ZDHHC2: variants seen among roughly 807,000 people sequenced by gnomAD.
ZDHHC2 encodes zDHHC palmitoyltransferase 2, also known as palmitoyltransferase ZDHHC2.
A neutral mutation model predicts 55.6 loss-of-function variants in ZDHHC2; 51 were observed. The ratio of observed to expected loss-of-function variants is 0.92; its 90% CI spans 0.73 to 1.16. ZDHHC2 has a LOEUF of 1.16. Among genes scored for constraint, ZDHHC2 ranks in the 50% most tolerant of loss-of-function variants. The probability of loss-of-function intolerance (pLI) is 0.00; values close to 1 mark genes in which losing one functional copy is unlikely to be tolerated. For missense variants in ZDHHC2, 491 were observed against 442.4 expected (o/e 1.11, Z -0.99); for synonymous variants, 199 against 152.9 (o/e 1.30, Z -2.22).
chr8:17,214,642 C>G (rs1026234807), intron 10 of ZDHHC2, among the ~76,000 whole-genome samples: 19 of 152,182 alleles, frequency 1.2e-4, no homozygotes, highest in African/African-American at 4.6e-4. Flanking sequence ...GGTGTGGTGG[C>G]CTATGCATGT....
At chr8:17,166,803 G>C (rs1804622630) in intron 1 of ZDHHC2, among the ~76,000 whole-genome samples, 1 of 152,166 alleles carries the variant, frequency 6.6e-6, no homozygotes, top group African/African-American at 2.4e-5. Context: ...GGCCCATCAA[G>C]TCTGGGAGGA....
chr8:17,176,046 T>G (rs1805110990), intron 1 of ZDHHC2, among the ~76,000 whole-genome samples: 1 of 152,180 alleles, frequency 6.6e-6, no homozygotes, highest in African/African-American at 2.4e-5. Flanking sequence ...CCACTGAGGC[T>G]GAAGTGAGGA....
intron 8 of ZDHHC2, 67 bp downstream of exon 8, chr8:17,208,159 T>C (rs1325265304): frequency 1.4e-6 from 2 of 1,427,274 alleles, no homozygotes; most frequent in East Asian, 2.7e-5. Flanking sequence ...TGACAGTTGC[T>C]ATGTGATTAA....
At chr8:17,211,574 T>G (rs921191595) in intron 10 of ZDHHC2, among the ~76,000 whole-genome samples, 40 of 152,256 alleles carry the variant, frequency 2.6e-4, no homozygotes, top group African/African-American at 9.6e-4. Flanking sequence ...ACTGCAGCCA[T>G]GACCGCCCAG....
In ZDHHC2 at chr8:17,223,454, G is replaced by C. The variant is rs1302975071; in HGVS notation, c.*3233G>C. The C allele has an allele frequency of 1.3e-5, 2 of 151,848 alleles. No homozygotes were observed. The allele number at this position is 151,848 out of a possible 1,614,324, so 9.4% of individuals were successfully genotyped here. On this transcript the variant is annotated 3_prime_UTR_variant, in exon 13 of 13. Transcript: ENST00000262096. ...GTGTTTAATATCTTTCTGCAGAAAC[G>C]TGTTCTTCTAAAGCAGAAAACCACG...
At chr8:17,202,881 T>G (rs1328573010) in intron 6 of ZDHHC2, among the ~76,000 whole-genome samples, 1 of 152,068 alleles carries the variant, frequency 6.6e-6, no homozygotes, top group African/African-American at 2.4e-5. Context: ...TACCATCCCC[T>G]CAAGCAAAGC....
chr8:17,164,911 G>A (rs2150880156), intron 1 of ZDHHC2, among the ~76,000 whole-genome samples: 1 of 152,276 alleles, frequency 6.6e-6, no homozygotes, highest in Non-Finnish European at 1.5e-5. Context: ...TGAGTACATG[G>A]AGTAAGGTGA....
intron 1 of ZDHHC2, among the ~76,000 whole-genome samples, chr8:17,175,810 T>G (rs868380216): frequency 6.6e-6 from 1 of 152,228 alleles, no homozygotes; most frequent in Non-Finnish European, 1.5e-5. Flanking sequence ...ATTGCCATAG[T>G]GTCTGACTAG....
chr8:17,181,633 T>C (rs1200084664), intron 1 of ZDHHC2, among the ~76,000 whole-genome samples: 1 of 152,218 alleles, frequency 6.6e-6, no homozygotes, highest in East Asian at 1.9e-4. Context: ...ATTGAAATTC[T>C]GTCTGTGAAG....
intron 3 of ZDHHC2, among the ~76,000 whole-genome samples, chr8:17,192,850 C>G (rs879639600): frequency 6.6e-6 from 1 of 152,142 alleles, no homozygotes. Context: ...TATCTAGTTT[C>G]CCCAGCAGCA....
chr8:17,209,146 C>G (rs533908523), intron 8 of ZDHHC2, among the ~76,000 whole-genome samples: 1 of 152,240 alleles, frequency 6.6e-6, no homozygotes, highest in East Asian at 1.9e-4. Flanking sequence ...CTCAGTCTGT[C>G]GTGTGTTTGT....
intron 3 of ZDHHC2, among the ~76,000 whole-genome samples, chr8:17,193,596 T>A (rs1447778692): frequency 2.6e-5 from 4 of 152,326 alleles, no homozygotes; most frequent in African/African-American, 9.6e-5. Flanking sequence ...GGTAGCAAAG[T>A]CAGCCAGGCT....
intron 1 of ZDHHC2, among the ~76,000 whole-genome samples, chr8:17,163,163 A>G (rs1804433786): frequency 6.6e-6 from 1 of 152,232 alleles, no homozygotes; most frequent in African/African-American, 2.4e-5. Flanking sequence ...AACGAAGGGC[A>G]GGCGAGTGAA....
At chr8:17,157,812 C>G (rs1181226232) in intron 1 of ZDHHC2, among the ~76,000 whole-genome samples, 7 of 152,078 alleles carry the variant, frequency 4.6e-5, no homozygotes, top group Non-Finnish European at 1.0e-4. Context: ...TGTTTTTGCC[C>G]TACCAAGTGC....
intron 6 of ZDHHC2, among the ~76,000 whole-genome samples, chr8:17,199,765 T>C (rs1013051103): frequency 6.3e-4 from 93 of 147,430 alleles, no homozygotes; most frequent in African/African-American, 2.1e-3. Flanking sequence ...TCTTCTTCTT[T>C]TTTTTTTTTT....
chr8:17,206,053 G>A (rs567189398), intron 7 of ZDHHC2, among the ~76,000 whole-genome samples: 3 of 152,296 alleles, frequency 2.0e-5, no homozygotes, highest in Admixed American at 6.5e-5. Flanking sequence ...TGAACAAGAC[G>A]ATGCTTTTGC....
chr8:17,196,923 A>G (rs1274599641), intron 4 of ZDHHC2, among the ~76,000 whole-genome samples: 1 of 152,072 alleles, frequency 6.6e-6, no homozygotes, highest in East Asian at 1.9e-4. Flanking sequence ...AAAAAAAAAA[A>G]GAGGTTTTTA....
intron 6 of ZDHHC2, among the ~76,000 whole-genome samples, chr8:17,201,250 A>G (rs1030027371): frequency 3.9e-5 from 6 of 152,082 alleles, no homozygotes; most frequent in Admixed American, 3.3e-4. Flanking sequence ...TGCATAGCCT[A>G]TAAACCCCCT....
chr8:17,185,583 T>A (rs1167579221), intron 2 of ZDHHC2, among the ~76,000 whole-genome samples: 2 of 151,984 alleles, frequency 1.3e-5, no homozygotes, highest in Non-Finnish European at 2.9e-5. Flanking sequence ...GGTAGGAGGA[T>A]TGCTTGAGCC....
Sources: allele counts gnomAD v4.1 joint callset (sites outside exome capture counted in the v4.1 genomes callset), GRCh38; gene constraint gnomAD v4.1.1; transcripts MANE v1.5; gene names NCBI Gene and HGNC (gene_info 2026-07-23, HGNC 2026-07-21).